The following TBL1XR1 variants were observed in gnomAD, a reference collection of about 807,000 sequenced individuals.
The protein encoded by TBL1XR1 is F-box-like/WD repeat-containing protein TBL1XR1.
TBL1XR1 carries 5 observed loss-of-function variants against 66.9 expected under a neutral mutation model. The ratio of observed to expected loss-of-function variants is 0.07; its 90% confidence interval spans 0.04 to 0.16. The LOEUF is 0.16. Ranked by LOEUF, TBL1XR1 falls within the 10% of genes least tolerant of loss-of-function variation. TBL1XR1 has a pLI of 1.00. For missense variants in TBL1XR1, 238 were observed against 623.2 expected (o/e 0.38, Z 6.58); for synonymous variants, 210 against 206.0 (o/e 1.02, Z -0.17).
chr3:177,050,349 G>A (rs1716890118), intron 6 of TBL1XR1, 129 bp downstream of exon 6: 2 of 1,297,000 alleles, frequency 1.5e-6, no homozygotes, highest in Admixed American at 5.7e-5. Flanking sequence ...CTTCATGAAG[G>A]AATAAAAAAT....
intron 1 of TBL1XR1, among the ~76,000 whole-genome samples, chr3:177,121,522 A>T (rs1434438825): frequency 6.6e-6 from 1 of 152,162 alleles, no homozygotes; most frequent in African/African-American, 2.4e-5. Flanking sequence ...CCTCCCTTCC[A>T]AACAATGTGC....
chr3:177,201,459 CA>C (rs1737339452), upstream of TBL1XR1, among the ~76,000 whole-genome samples: 3 of 146,768 alleles, frequency 2.0e-5, no homozygotes, highest in South Asian at 6.5e-4. Flanking sequence ...TGTTTTATTT[CA>C]GTAATATTTT....
intron 1 of TBL1XR1, among the ~76,000 whole-genome samples, chr3:177,185,604 T>G (rs373564949): frequency 4.7e-5 from 5 of 106,178 alleles, no homozygotes; most frequent in African/African-American, 1.6e-4. Flanking sequence ...TGAGACTGTT[T>G]CCAAAAAAAA....
In TBL1XR1 at chr3:177,046,208, GA is replaced by G. The variant is rs1376809747; in HGVS notation, c.865-20del. ...TTGTAGTCTGAGATTAAAAGGAAAA[GA>G]AAAATAAACTCATGGAAAGAAGTTT... On this transcript the variant is annotated intron_variant, in intron 9 of 15. Coordinates refer to ENST00000457928, the MANE Select transcript of TBL1XR1 (RefSeq NM_024665.7). 5.2e-6 allele frequency: 8 copies of G among 1,524,060 alleles called. No individual in the cohort carries two copies. In the Middle Eastern group the frequency reaches 5.1e-4, roughly 97 times the overall value. The allele number at this position is 1,524,060 out of a possible 1,614,324, so 94.4% of individuals were successfully genotyped here.
chr3:177,162,349 T>A (rs954877665), intron 1 of TBL1XR1, among the ~76,000 whole-genome samples: 3 of 152,196 alleles, frequency 2.0e-5, no homozygotes, highest in African/African-American at 7.2e-5. Flanking sequence ...AGATACTGAC[T>A]GGAAGAATGG....
chr3:177,141,769 A>G (rs1374306623), intron 1 of TBL1XR1, among the ~76,000 whole-genome samples: 2 of 152,226 alleles, frequency 1.3e-5, no homozygotes, highest in Non-Finnish European at 2.9e-5. Context: ...CCGTGTTCAC[A>G]GCAGCACTAT....
upstream of TBL1XR1, among the ~76,000 whole-genome samples, chr3:177,197,606 G>A (rs1255992037): frequency 7.3e-6 from 1 of 137,490 alleles, no homozygotes; most frequent in African/African-American, 2.6e-5. Flanking sequence ...AAACAAACCC[G>A]AGCGGCCTGC....
Position 177,190,133 on chromosome 3 carries a change from C to CA in TBL1XR1, c.-122+6987dup, listed in dbSNP as rs548783302. On this transcript the variant is annotated intron_variant, in intron 1 of 15. Transcript: ENST00000457928. ...GGGCAACAAGAGTGAAACTCCATCT[C>CA]AAAAAAAAAAAAAAAAAAAAAAAAA... Among the ~76,000 whole-genome samples the CA allele has an allele frequency of 8.5e-3, 589 of 69,392 alleles. 85 individuals are homozygous for CA. The East Asian group carries it at 0.11, about 12-fold the overall frequency. 45.5% of individuals were successfully genotyped at this position (69,392 alleles called of 152,430 possible).
intron 1 of TBL1XR1, among the ~76,000 whole-genome samples, chr3:177,155,445 A>C (rs1731374271): frequency 6.6e-6 from 1 of 152,178 alleles, no homozygotes; most frequent in African/African-American, 2.4e-5. Flanking sequence ...GTTACCAAAA[A>C]TGACTCAAGA....
At chr3:177,115,584 C>A (rs955648735) in intron 1 of TBL1XR1, among the ~76,000 whole-genome samples, 1 of 152,026 alleles carries the variant, frequency 6.6e-6, no homozygotes, top group East Asian at 1.9e-4. Flanking sequence ...TGCCTACTGA[C>A]CCCCCTTCAA....
chr3:177,092,437 T>C (rs758107223), intron 2 of TBL1XR1, among the ~76,000 whole-genome samples: 1 of 151,596 alleles, frequency 6.6e-6, no homozygotes, highest in African/African-American at 2.4e-5. Context: ...ACAGGACAAA[T>C]AAAAGGGAAA....
intron 1 of TBL1XR1, among the ~76,000 whole-genome samples, chr3:177,135,307 C>CTGTCTGTG (rs1553852678): frequency 0.012 from 842 of 72,588 alleles, 75 homozygotes; most frequent in African/African-American, 0.041. Context: ...AGGCCGCACT[C>CTGTCTGTG]TGTGTGTGTG....
intron 2 of TBL1XR1, among the ~76,000 whole-genome samples, chr3:177,066,726 T>C (rs549719953): frequency 1.3e-5 from 2 of 152,102 alleles, no homozygotes; most frequent in East Asian, 3.9e-4. Context: ...TCCAAAAATA[T>C]TTAGAAGGTA....
intron 1 of TBL1XR1, among the ~76,000 whole-genome samples, chr3:177,149,203 G>A (rs1439395613): frequency 6.6e-6 from 1 of 152,126 alleles, no homozygotes; most frequent in Non-Finnish European, 1.5e-5. Context: ...CAGCACCAGA[G>A]GCAACAACAG....
rs150199557 is a variant in TBL1XR1 at position 177,148,497 on chromosome 3, C to T, written c.-122+48624G>A. ...TTGGGAGGCTGAGGTGGGTGGATAACGAGGTCAGGAGTTCGAGACCAGCCT... is the reference window on the plus strand; with the variant it reads ...TTGGGAGGCTGAGGTGGGTGGATAATGAGGTCAGGAGTTCGAGACCAGCCT... On this transcript the variant is annotated intron_variant, in intron 1 of 15. Coordinates refer to ENST00000457928, the MANE Select transcript of TBL1XR1 (RefSeq NM_024665.7). Among the ~76,000 whole-genome samples, 1,118 of 151,874 alleles carry T rather than the reference C, an allele frequency of 7.4e-3. 39 individuals are homozygous for T. The highest frequency in any genetic ancestry group is 0.066 in the Admixed American group (1,005 of 15,254).
intron 14 of TBL1XR1, among the ~76,000 whole-genome samples, chr3:177,031,060 C>G (rs745649102): frequency 6.6e-6 from 1 of 152,022 alleles, no homozygotes; most frequent in African/African-American, 2.4e-5. Context: ...TGCAGTTAGC[C>G]GAGATCGTGC....
intron 1 of TBL1XR1, among the ~76,000 whole-genome samples, chr3:177,162,167 T>C (rs1395844364): frequency 6.6e-6 from 1 of 152,228 alleles, no homozygotes; most frequent in East Asian, 1.9e-4. Context: ...TAGCGCAATG[T>C]TGAAAACGCC....
At chr3:177,031,746 A>G (rs1238907552) in intron 14 of TBL1XR1, among the ~76,000 whole-genome samples, 1 of 150,176 alleles carries the variant, frequency 6.7e-6, no homozygotes, top group African/African-American at 2.4e-5. Flanking sequence ...GGCAACATAG[A>G]AAGATCCCGT....
intron 1 of TBL1XR1, among the ~76,000 whole-genome samples, chr3:177,129,933 A>T (rs537378876): frequency 6.6e-6 from 1 of 152,156 alleles, no homozygotes; most frequent in South Asian, 2.1e-4. Flanking sequence ...TCACCTGAGG[A>T]CAGGAGTTTA....
Sources: allele counts gnomAD v4.1 joint callset (sites outside exome capture counted in the v4.1 genomes callset), GRCh38; gene constraint gnomAD v4.1.1; transcripts MANE v1.5; gene names NCBI Gene and HGNC (gene_info 2026-07-23, HGNC 2026-07-21).